Variants in PDE1C observed in about 807,000 individuals in gnomAD.
The protein encoded by PDE1C is phosphodiesterase 1C, also known as dual specificity calcium/calmodulin-dependent 3',5'-cyclic nucleotide phosphodiesterase 1C.
In PDE1C, 62 loss-of-function variants were observed where a neutral mutation model predicts 93.1. The observed-to-expected ratio is 0.67, with a 90% CI of 0.54 to 0.82. The LOEUF (loss-of-function observed/expected upper bound fraction) is 0.82, where lower values mean the gene tolerates loss of function less well. Ranked by LOEUF, PDE1C falls within the 40% of genes least tolerant of loss-of-function variation. The pLI is 0.00. For missense variants in PDE1C, 742 were observed against 884.6 expected (o/e 0.84, Z 2.04); for synonymous variants, 325 against 310.1 (o/e 1.05, Z -0.50).
intron 1 of PDE1C, among the ~76,000 whole-genome samples, chr7:32,311,741 G>C (rs1191953924): frequency 6.6e-6 from 1 of 152,068 alleles, no homozygotes; most frequent in African/African-American, 2.4e-5. Context: ...ATTAGGTATT[G>C]ATGGGACGTA....
chr7:32,159,914 C>T (rs1013604374), intron 3 of PDE1C, among the ~76,000 whole-genome samples: 6 of 152,136 alleles, frequency 3.9e-5, no homozygotes, highest in African/African-American at 1.4e-4. Context: ...CTCCCACAAG[C>T]TCCTGAAGCC....
chr7:31,977,215 G>A (rs1277358833), intron 2 of PDE1C, among the ~76,000 whole-genome samples: 1 of 152,094 alleles, frequency 6.6e-6, no homozygotes, highest in East Asian at 1.9e-4. Context: ...CATTAGGGTG[G>A]AGTCCCCATG....
chr7:32,203,119 T>C (rs528032151), intron 2 of PDE1C, among the ~76,000 whole-genome samples: 2 of 151,946 alleles, frequency 1.3e-5, no homozygotes, highest in Non-Finnish European at 2.9e-5. Flanking sequence ...CCTTATATGG[T>C]TCTGTCTCAA....
chr7:31,698,035 T>A, the PDE1C span, among the ~76,000 whole-genome samples: 1 of 152,324 alleles, frequency 6.6e-6, no homozygotes, highest in Non-Finnish European at 1.5e-5. Flanking sequence ...CACTAAAATG[T>A]GGCAGAATTG....
At chr7:32,361,543 C>A (rs1784136679) in intron 1 of PDE1C, among the ~76,000 whole-genome samples, 1 of 152,166 alleles carries the variant, frequency 6.6e-6, no homozygotes, top group Non-Finnish European at 1.5e-5. Flanking sequence ...TGCCCCTGAC[C>A]CTCGCACATG....
intron 2 of PDE1C, among the ~76,000 whole-genome samples, chr7:32,207,847 C>A (rs1017085): frequency 2.6e-5 from 4 of 152,106 alleles, no homozygotes; most frequent in South Asian, 2.1e-4. Context: ...CGCCCTCCCC[C>A]CAACCTTCGT....
chr7:32,410,012 C>T (rs1173751252), intron 1 of PDE1C, among the ~76,000 whole-genome samples: 2 of 151,838 alleles, frequency 1.3e-5, no homozygotes, highest in African/African-American at 4.8e-5. Flanking sequence ...TATAACTAAA[C>T]AAGAGAAAAT....
chr7:31,695,533 T>C, the PDE1C span: 256 of 1,613,600 alleles, frequency 1.6e-4, 2 homozygotes, highest in African/African-American at 2.8e-3. Flanking sequence ...AGGGAAAAAA[T>C]GTACAGGCCA....
chr7:31,874,156 A>G (rs1796266779), intron 5 of PDE1C, among the ~76,000 whole-genome samples: 1 of 152,214 alleles, frequency 6.6e-6, no homozygotes, highest in African/African-American at 2.4e-5. Flanking sequence ...TTTACTGAAA[A>G]AAAGTAAAAG....
the PDE1C span, among the ~76,000 whole-genome samples, chr7:31,688,095 G>A: frequency 6.6e-6 from 1 of 152,090 alleles, no homozygotes; most frequent in Non-Finnish European, 1.5e-5. Context: ...ACAAATGGAG[G>A]ACTGAAAGAT....
chr7:31,707,287 T>C, the PDE1C span: 17 of 1,612,250 alleles, frequency 1.1e-5, no homozygotes, highest in Admixed American at 1.0e-4. Flanking sequence ...TATTTAAAGA[T>C]AGTTCCCCTG....
chr7:31,631,157 C>T, the PDE1C span, among the ~76,000 whole-genome samples: 1 of 152,080 alleles, frequency 6.6e-6, no homozygotes, highest in Non-Finnish European at 1.5e-5. Flanking sequence ...ATAATACTAC[C>T]TAAGCCTTCC....
intron 10 of PDE1C, 128 bp from the exon 11 acceptor site, chr7:31,837,428 G>T: frequency 1.2e-6 from 1 of 822,364 alleles, no homozygotes; most frequent in Non-Finnish European, 1.8e-6. Flanking sequence ...CAGCTAAATT[G>T]AGGAAAAGAC....
chr7:31,790,943 C>A (rs2128660686), intron 16 of PDE1C, among the ~76,000 whole-genome samples: 1 of 152,260 alleles, frequency 6.6e-6, no homozygotes, highest in East Asian at 1.9e-4. Context: ...ACAAACCCAC[C>A]ATATTATTTC....
At chr7:31,651,124 CTT>C in the PDE1C span, 8 of 1,608,084 alleles carry the variant, frequency 5.0e-6, no homozygotes, top group African/African-American at 1.3e-5. Context: ...CTTCTCAGTT[CTT>C]TCTCATTGTT....
chr7:32,220,219 C>T (rs954380598), intron 1 of PDE1C, among the ~76,000 whole-genome samples: 5 of 152,108 alleles, frequency 3.3e-5, no homozygotes, highest in African/African-American at 1.2e-4. Flanking sequence ...TACAGTCCAC[C>T]CTGGACAAGG....
At chr7:32,323,327 C>T (rs1230254362) in intron 1 of PDE1C, among the ~76,000 whole-genome samples, 1 of 152,166 alleles carries the variant, frequency 6.6e-6, no homozygotes, top group Non-Finnish European at 1.5e-5. Context: ...ACCAATCAGA[C>T]TTCACTGAAT....
chr7:31,817,858 A>G (rs943435773), intron 14 of PDE1C, among the ~76,000 whole-genome samples: 2 of 152,142 alleles, frequency 1.3e-5, no homozygotes, highest in African/African-American at 2.4e-5. Flanking sequence ...AGGCTTTATG[A>G]CATGTATTTT....
intron 1 of PDE1C, among the ~76,000 whole-genome samples, chr7:32,370,835 ACAG>A (rs1784320096): frequency 1.3e-5 from 2 of 152,088 alleles, no homozygotes; most frequent in Non-Finnish European, 2.9e-5. Context: ...GCATCTGACA[ACAG>A]ATGAATGGAT....
Sources: allele counts gnomAD v4.1 joint callset (sites outside exome capture counted in the v4.1 genomes callset), GRCh38; gene constraint gnomAD v4.1.1; transcripts MANE v1.5; gene names NCBI Gene and HGNC (gene_info 2026-07-23, HGNC 2026-07-21).